SSTR2: variants seen among roughly 807,000 people sequenced by gnomAD.
SSTR2 encodes somatostatin receptor type 2.
In SSTR2, 10 loss-of-function variants were observed where a neutral mutation model predicts 21.4. The observed-to-expected ratio is 0.47, with a 90% CI of 0.29 to 0.79. SSTR2 has a LOEUF of 0.79. SSTR2 is among the 30% of genes least tolerant of loss of function. The probability of loss-of-function intolerance (pLI) is 0.10; values close to 1 mark genes in which losing one functional copy is unlikely to be tolerated. For missense variants in SSTR2, 364 were observed against 468.8 expected, an observed-to-expected ratio of 0.78 and a Z score of 2.06; for synonymous variants, 177 against 181.3, an observed-to-expected ratio of 0.98 and a Z score of 0.19.
At position 73,171,957 on chromosome 17, in the gene SSTR2, A is replaced by AG. The variant is rs2061236988; in HGVS notation, c.*1530dup. 2 of 129,236 alleles carry AG rather than the reference A, an allele frequency of 1.5e-5. No homozygotes were observed. Among genetic ancestry groups the AG allele is most frequent in the Non-Finnish European group, 3.3e-5 (2 of 59,798 alleles). 8.0% of individuals were successfully genotyped at this position (129,236 alleles called of 1,614,324 possible). A position where few individuals can be genotyped will look rare whatever the true frequency, so the allele number is the denominator to read the frequency against. On this transcript the variant is annotated 3_prime_UTR_variant, in exon 2 of 2. Coordinates refer to ENST00000357585, the MANE Select transcript of SSTR2 (RefSeq NM_001050.3). ...AAAAAAAAAAAAAAAAAAAAAAAAA[A>AG]GGAAAACCACAATGCGTACTAAAGA... is the stretch of plus-strand genomic sequence containing the variant.
At chr17:73,165,470 T>C (rs2145065647) in intron 1 of SSTR2, among the ~76,000 whole-genome samples, 182 bp downstream of exon 1, 1 of 151,898 alleles carries the variant, frequency 6.6e-6, no homozygotes, top group South Asian at 2.1e-4. Context: ...TTTGGGGTGA[T>C]TGTAGTAGGA....
chr17:73,172,482 A>G lies in SSTR2; in HGVS notation c.*2053A>G, dbSNP rs1216208630. The G allele has an allele frequency of 6.6e-6, 1 of 152,174 alleles. No homozygotes were observed. The highest frequency in any genetic ancestry group is 1.5e-5 in the Non-Finnish European group (1 of 68,034). 9.4% of individuals were successfully genotyped at this position (152,174 alleles called of 1,614,324 possible). On this transcript the variant is annotated 3_prime_UTR_variant, in exon 2 of 2. Transcript: ENST00000357585. ...TGCTCCACCTGTGGGTGTCCTTCTT[A>G]ATGTGCTGCTTTTGTTCTGTATAAA...
Position 73,169,824 on chromosome 17 carries a change from G to A in SSTR2, c.505G>A (p.Val169Ile), listed in dbSNP as rs977623695. The A allele has an allele frequency of 2.5e-6, 4 of 1,614,078 alleles. No individual in the cohort carries two copies. In the African/African-American group the frequency reaches 5.3e-5, roughly 22 times the overall value. ...AKMITMAVWG[V>I]SLLVILPIMI... The stretch of plus-strand genomic sequence containing the variant: ...GATGATCACCATGGCTGTGTGGGGA[G>A]TCTCTCTGCTGGTCATCTTGCCCAT... The change falls in exon 2 of 2, where the codon GTC (valine) becomes ATC (isoleucine). Residue 169 changes from valine to isoleucine, a missense_variant. Val to Ile is a conservative substitution (Grantham distance 29). Around this residue, in one of 4 missense-constraint regions of SSTR2, gnomAD observed 193 missense variants for 273.1 expected, o/e 0.71. Coordinates refer to ENST00000357585, the MANE Select transcript of SSTR2 (RefSeq NM_001050.3). This position sits in a 1 kb window ranked among gnomAD's most constrained non-coding sequence, Gnocchi z 5.2.
At position 73,172,006 on chromosome 17, in the gene SSTR2, A is replaced by G. The variant is rs1156812911; in HGVS notation, c.*1577A>G. 1 of 151,372 alleles carries G rather than the reference A, an allele frequency of 6.6e-6. No homozygotes were observed. Among genetic ancestry groups the G allele is most frequent in the Non-Finnish European group, 1.5e-5 (1 of 67,948 alleles). 9.4% of individuals were successfully genotyped at this position (151,372 alleles called of 1,614,324 possible). A position where few individuals can be genotyped will look rare whatever the true frequency, so the allele number is the denominator to read the frequency against. ...GACCAGAAGACATTGTTCACAAAAC[A>G]AAAGCACCCTCACCTGCCAATGAAT... On this transcript the variant is annotated 3_prime_UTR_variant, in exon 2 of 2. Transcript: ENST00000357585.
rs910553004 is a variant in SSTR2 at position 73,171,592 on chromosome 17, T to G, written c.*1163T>G. ...ATTCGACGACTCCTCAAAGGGGACT[T>G]TAGAGGACTTCATACAAAGCTGGGC... is the stretch of plus-strand genomic sequence containing the variant. On this transcript the variant is annotated 3_prime_UTR_variant, in exon 2 of 2. Coordinates refer to ENST00000357585, the MANE Select transcript of SSTR2 (RefSeq NM_001050.3). 1 of 166,768 alleles carries G rather than the reference T, an allele frequency of 6.0e-6. No individual in the cohort carries two copies. The highest frequency in any genetic ancestry group is 2.4e-5 in the African/African-American group (1 of 41,416). 10.3% of individuals were successfully genotyped at this position (166,768 alleles called of 1,614,324 possible). A position where few individuals can be genotyped will look rare whatever the true frequency, so the allele number is the denominator to read the frequency against.
rs2061249433 is a variant in SSTR2 at position 73,176,563 on chromosome 17, T to A, written c.*6134T>A. 6.6e-6 allele frequency: 1 copy of A among 152,292 alleles called. No individual in the cohort carries two copies. Among genetic ancestry groups the A allele is most frequent in the Admixed American group, 6.5e-5 (1 of 15,290 alleles). The allele number at this position is 152,292 out of a possible 1,614,324, so 9.4% of individuals were successfully genotyped here. A position where few individuals can be genotyped will look rare whatever the true frequency, so the allele number is the denominator to read the frequency against. On this transcript the variant is annotated 3_prime_UTR_variant, in exon 2 of 2. Coordinates refer to ENST00000357585, the MANE Select transcript of SSTR2 (RefSeq NM_001050.3). Reference sequence around the variant, plus strand: ...TGTTTGCTTCCCCTTCTGCCATGATTGTAAGTTTCCTGAGGCCTCCCCAGC... The same window carrying A: ...TGTTTGCTTCCCCTTCTGCCATGATAGTAAGTTTCCTGAGGCCTCCCCAGC...
Position 73,170,115 on chromosome 17 carries a change from A to G in SSTR2, c.796A>G (p.Ile266Val), listed in dbSNP as rs775789875. The G allele has an allele frequency of 2.5e-6, 4 of 1,614,186 alleles. No individual in the cohort carries two copies. Among genetic ancestry groups the G allele is most frequent in the South Asian group, 1.1e-5 (1 of 91,086 alleles). Residue 266 changes from isoleucine (I) to valine (V), a missense_variant, in exon 2 of 2, where the codon ATC becomes GTC. Around this residue, in one of 4 missense-constraint regions of SSTR2, gnomAD observed 193 missense variants for 273.1 expected, o/e 0.71. Transcript: ENST00000357585. ...RMVSIVVAVFIFCWLPFYIFN... is the reference protein window; with the variant it reads ...RMVSIVVAVFVFCWLPFYIFN... ...GGTGTCCATCGTGGTGGCTGTCTTC[A>G]TCTTCTGCTGGCTTCCCTTCTACAT...
rs142827588 is a variant in SSTR2, at chr17:73,171,382, G to GAA, written c.*957_*958dup. On this transcript the variant is annotated 3_prime_UTR_variant, in exon 2 of 2. Transcript: ENST00000357585. ...GTTTTTCTTAGGGAGCTATGAGGGG[G>GAA]AAAAATCACTAACATGAAAGGCAAA... The GAA allele has an allele frequency of 1.7e-4, 29 of 166,814 alleles. No homozygotes were observed. Among genetic ancestry groups the GAA allele is most frequent in the African/African-American group, 6.7e-4 (28 of 41,494 alleles). The allele number at this position is 166,814 out of a possible 1,614,324, so 10.3% of individuals were successfully genotyped here.
chr17:73,169,257 T>C lies in SSTR2; in HGVS notation c.-63T>C. 6.5e-7 allele frequency: 1 copy of C among 1,533,408 alleles called. No individual in the cohort carries two copies. The allele number at this position is 1,533,408 out of a possible 1,614,324, so 95.0% of individuals were successfully genotyped here. A position where few individuals can be genotyped will look rare whatever the true frequency, so the allele number is the denominator to read the frequency against. ...CACACTGGATCCTTGGCCTCCAGGG[T>C]CCATTAAGGTGAGAATAAGATCTCT... On this transcript the variant is annotated 5_prime_UTR_variant, in exon 2 of 2. Coordinates refer to ENST00000357585, the MANE Select transcript of SSTR2 (RefSeq NM_001050.3). This position sits in a 1 kb window ranked among gnomAD's most constrained non-coding sequence, Gnocchi z 5.2.
rs2061234499 is a variant in SSTR2 at position 73,171,375 on chromosome 17, TGA to T, written c.*948_*949del. ...TGCTTTAGTTTTTCTTAGGGAGCTA[TGA>T]GGGGGAAAAATCACTAACATGAAAG... On this transcript the variant is annotated 3_prime_UTR_variant, in exon 2 of 2. Coordinates refer to ENST00000357585, the MANE Select transcript of SSTR2 (RefSeq NM_001050.3). 1 of 165,864 alleles carries T rather than the reference TGA, an allele frequency of 6.0e-6. No individual in the cohort carries two copies. Among genetic ancestry groups the T allele is most frequent in the Non-Finnish European group, 1.5e-5 (1 of 68,108 alleles). The allele number at this position is 165,864 out of a possible 1,614,324, so 10.3% of individuals were successfully genotyped here.
Position 73,170,167 on chromosome 17 carries a change from C to T in SSTR2, c.848C>T (p.Ala283Val), listed in dbSNP as rs943824832. The T allele has an allele frequency of 6.2e-7, 1 of 1,614,142 alleles. No homozygotes were observed. Among genetic ancestry groups the T allele is most frequent in the Non-Finnish European group, 8.5e-7 (1 of 1,180,020 alleles). The change falls in exon 2 of 2, where the codon GCC (alanine) becomes GTC (valine). Residue 283 changes from alanine (A) to valine (V), a missense_variant. Physicochemically the swap from Ala to Val is moderately conservative, Grantham distance 64. This residue lies in a region of SSTR2 where 193 missense variants were observed against 273.1 expected (regional missense o/e 0.71). Coordinates refer to ENST00000357585, the MANE Select transcript of SSTR2 (RefSeq NM_001050.3). ...TTCAACGTTTCTTCCGTCTCCATGG[C>T]CATCAGCCCCACCCCAGCCCTTAAA... ...YIFNVSSVSM[A>V]ISPTPALKGM...
chr17:73,165,416 G>C (rs929324971), intron 1 of SSTR2, 128 bp downstream of exon 1: 1 of 152,254 alleles, frequency 6.6e-6, no homozygotes, highest in Non-Finnish European at 1.5e-5. Flanking sequence ...CCATCCGAGT[G>C]CCTGAGCTTA....
At chr17:73,166,584 C>T (rs1272862869) in intron 1 of SSTR2, among the ~76,000 whole-genome samples, 4 of 152,128 alleles carry the variant, frequency 2.6e-5, no homozygotes, top group African/African-American at 9.7e-5. Context: ...ATGCAGAAAA[C>T]GAAACTTCCT....
Position 73,174,894 on chromosome 17 carries a change from C to T in SSTR2, c.*4465C>T, listed in dbSNP as rs1381818842. On this transcript the variant is annotated 3_prime_UTR_variant, in exon 2 of 2. Coordinates refer to ENST00000357585, the MANE Select transcript of SSTR2 (RefSeq NM_001050.3). ...TGTAATTCTTTACTGTAGAACAGCT[C>T]AAAATATCAGTTCTGTTTTAAGTAA... The T allele has an allele frequency of 6.5e-6, 1 of 152,908 alleles. No individual in the cohort carries two copies. The highest frequency in any genetic ancestry group is 1.5e-5 in the Non-Finnish European group (1 of 68,022). 9.5% of individuals were successfully genotyped at this position (152,908 alleles called of 1,614,324 possible).
At position 73,173,808 on chromosome 17, in the gene SSTR2, A is replaced by C. The variant is rs1215326629; in HGVS notation, c.*3379A>C. The C allele has an allele frequency of 1.3e-5, 2 of 152,200 alleles. No homozygotes were observed. Among genetic ancestry groups the C allele is most frequent in the African/African-American group, 4.8e-5 (2 of 41,436 alleles). The allele number at this position is 152,200 out of a possible 1,614,324, so 9.4% of individuals were successfully genotyped here. On this transcript the variant is annotated 3_prime_UTR_variant, in exon 2 of 2. Transcript: ENST00000357585. ...ATGTTAGCTTGTGTTTCAGTAACAG[A>C]GTTGGGTAATACTGGACGTGTAGAT... is the stretch of plus-strand genomic sequence containing the variant.
intron 1 of SSTR2, among the ~76,000 whole-genome samples, chr17:73,166,314 G>A (rs2061216131): frequency 6.6e-6 from 1 of 152,180 alleles, no homozygotes; most frequent in Admixed American, 6.5e-5. Flanking sequence ...CGGGGGGTGG[G>A]AAGTGAATGC....
chr17:73,170,064 A>G lies in SSTR2; in HGVS notation c.745A>G (p.Lys249Glu), dbSNP rs1173539689. 1.2e-6 allele frequency: 2 copies of G among 1,614,026 alleles called. No homozygotes were observed. The highest frequency in any genetic ancestry group is 1.7e-6 in the Non-Finnish European group (2 of 1,180,032). Residue 249 changes from lysine (K) to glutamate (E), a missense_variant, in exon 2 of 2, where the codon AAG (lysine) becomes GAG (glutamate). Coordinates refer to ENST00000357585, the MANE Select transcript of SSTR2 (RefSeq NM_001050.3). ...CCGAGTGGGCTCCTCTAAGAGGAAG[A>G]AGTCTGAGAAGAAGGTCACCCGAAT... ...GIRVGSSKRK[K>E]SEKKVTRMVS... is the part of the protein sequence containing the mutation.
chr17:73,165,952 C>CT (rs1555721643), intron 1 of SSTR2, among the ~76,000 whole-genome samples: 9 of 150,522 alleles, frequency 6.0e-5, no homozygotes, highest in Non-Finnish European at 1.3e-4. Context: ...GCCCCCCCCC[C>CT]ACACCCGGCA....
In SSTR2 at chr17:73,169,631, T is replaced by C; in HGVS notation, c.312T>C (p.Ala104=). 6.2e-7 allele frequency: 1 copy of C among 1,614,278 alleles called. No homozygotes were observed. The highest frequency in any genetic ancestry group is 8.5e-7 in the Non-Finnish European group (1 of 1,180,060). ...LGLPFLAMQV[A]LVHWPFGKAI... ...TGCCTTTCTTGGCTATGCAGGTGGCTCTGGTCCACTGGCCCTTTGGCAAGG... is the reference window on the plus strand; with the variant it reads ...TGCCTTTCTTGGCTATGCAGGTGGCCCTGGTCCACTGGCCCTTTGGCAAGG... The change falls in exon 2 of 2, where the codon GCT becomes GCC. Residue 104 remains alanine (A), a synonymous_variant. Coordinates refer to ENST00000357585, the MANE Select transcript of SSTR2 (RefSeq NM_001050.3). The surrounding 1 kb of genome is among the most constrained non-coding windows in gnomAD (Gnocchi z 5.2).
Sources: gnomAD v4.1 joint callset for allele counts (sites outside exome capture counted in the v4.1 genomes callset) on GRCh38, gnomAD v4.1.1 for gene constraint, gnomAD v4.1.1 regional missense constraint, Gnocchi (gnomAD v3.1) non-coding constraint, MANE v1.5 for transcripts, NCBI Gene and HGNC (gene_info 2026-07-23, HGNC 2026-07-21) for gene names.